DTNA: variants seen among roughly 807,000 people sequenced by gnomAD.
DTNA encodes dystrophin-related protein 3.
In DTNA, 43 loss-of-function variants were observed where a neutral mutation model predicts 100.7. That is an observed-to-expected ratio of 0.43 (90% CI 0.33 to 0.55). The LOEUF is 0.55. Among genes scored for constraint, DTNA ranks in the 20% least tolerant of loss-of-function variants. The pLI is 0.04. For missense variants in DTNA, 798 were observed against 953.9 expected (o/e 0.84, Z 2.15); for synonymous variants, 349 against 347.9 (o/e 1.00, Z -0.04).
At chr18:34,585,386 A>G (rs1240177798) in intron 1 of DTNA, among the ~76,000 whole-genome samples, 5 of 152,242 alleles carry the variant, frequency 3.3e-5, no homozygotes, top group Non-Finnish European at 7.3e-5. Flanking sequence ...TGCAACTAAT[A>G]TCAGGAAAAA....
At chr18:34,697,515 A>G (rs2080743933) in intron 1 of DTNA, among the ~76,000 whole-genome samples, 1 of 152,072 alleles carries the variant, frequency 6.6e-6, no homozygotes, top group Non-Finnish European at 1.5e-5. Context: ...GGTTCTAGGG[A>G]CCTGGACTGG....
chr18:34,605,749 C>T (rs998492099), intron 1 of DTNA, among the ~76,000 whole-genome samples: 7 of 152,032 alleles, frequency 4.6e-5, no homozygotes, highest in African/African-American at 7.2e-5. Context: ...GTAGCAGACA[C>T]AGCTAGGGTT....
intron 17 of DTNA, chr18:34,868,869 C>A: frequency 2.6e-6 from 2 of 769,700 alleles, no homozygotes; most frequent in Non-Finnish European, 3.2e-6. Flanking sequence ...ATTGAAGGAA[C>A]CATAAAAAGA....
chr18:34,827,496 G>C, intron 9 of DTNA, 97 bp from the exon 10 acceptor site: 1 of 1,114,214 alleles, frequency 9.0e-7, no homozygotes, highest in South Asian at 1.2e-5. Flanking sequence ...GTAGAACCCA[G>C]ATCTTCCCAT....
At chr18:34,600,839 C>T (rs1420630333) in intron 1 of DTNA, among the ~76,000 whole-genome samples, 3 of 152,208 alleles carry the variant, frequency 2.0e-5, no homozygotes, top group Non-Finnish European at 4.4e-5. Context: ...AACCAGGTTT[C>T]CTTCTCACTT....
At chr18:34,722,867 T>G (rs1375072806) in intron 1 of DTNA, among the ~76,000 whole-genome samples, 1 of 152,226 alleles carries the variant, frequency 6.6e-6, no homozygotes, top group Non-Finnish European at 1.5e-5. Context: ...TTGTGACTTA[T>G]CTACATTGTG....
chr18:34,836,338 A>T (rs1266786320), intron 11 of DTNA, among the ~76,000 whole-genome samples: 1 of 152,182 alleles, frequency 6.6e-6, no homozygotes, highest in Non-Finnish European at 1.5e-5. Context: ...TTATCCTAAA[A>T]CACAATCTAA....
chr18:34,520,471 G>T (rs1326696315), intron 1 of DTNA, among the ~76,000 whole-genome samples: 2 of 152,196 alleles, frequency 1.3e-5, no homozygotes, highest in Admixed American at 1.3e-4. Context: ...GGCTAAGATG[G>T]TGAAACCCTG....
intron 4 of DTNA, among the ~76,000 whole-genome samples, chr18:34,799,217 T>C (rs1364745462): frequency 6.6e-6 from 1 of 152,174 alleles, no homozygotes; most frequent in East Asian, 1.9e-4. Flanking sequence ...TACAAAATCC[T>C]GGTATTTTCC....
chr18:34,545,093 A>C (rs926550658), intron 1 of DTNA, among the ~76,000 whole-genome samples: 3 of 152,086 alleles, frequency 2.0e-5, no homozygotes, highest in Admixed American at 6.6e-5. Flanking sequence ...GACTGATGTA[A>C]GTCCTTGGCA....
At chr18:34,545,645 A>G (rs1484360388) in intron 1 of DTNA, among the ~76,000 whole-genome samples, 1 of 152,076 alleles carries the variant, frequency 6.6e-6, no homozygotes, top group Non-Finnish European at 1.5e-5. Context: ...GAGTAACAAA[A>G]TGTCAGATAT....
intron 12 of DTNA, among the ~76,000 whole-genome samples, chr18:34,838,514 A>C (rs1203209771): frequency 6.6e-6 from 1 of 152,170 alleles, no homozygotes; most frequent in African/African-American, 2.4e-5. Context: ...GTTTTCTAAA[A>C]CTTTATTTAA....
intron 1 of DTNA, among the ~76,000 whole-genome samples, chr18:34,526,012 C>G (rs1221157772): frequency 6.6e-6 from 1 of 152,124 alleles, no homozygotes; most frequent in Non-Finnish European, 1.5e-5. Flanking sequence ...CATCCCTGAA[C>G]TCACCACTCT....
At chr18:34,561,523 T>C (rs1289517942) in intron 1 of DTNA, among the ~76,000 whole-genome samples, 1 of 152,116 alleles carries the variant, frequency 6.6e-6, no homozygotes. Context: ...TGAAAAAAAG[T>C]AGTGGCTTTC....
At chr18:34,763,830 A>G (rs1413341703) in intron 2 of DTNA, among the ~76,000 whole-genome samples, 1 of 152,222 alleles carries the variant, frequency 6.6e-6, no homozygotes, top group Non-Finnish European at 1.5e-5. Flanking sequence ...ACTGGGTACC[A>G]GACAGATAAA....
At chr18:34,761,435 G>C (rs896587000) in intron 2 of DTNA, among the ~76,000 whole-genome samples, 1 of 152,136 alleles carries the variant, frequency 6.6e-6, no homozygotes, top group Non-Finnish European at 1.5e-5. Context: ...TTGATTTGTT[G>C]GTTGATTGGT....
At chr18:34,733,686 G>A (rs2088860751) in intron 1 of DTNA, among the ~76,000 whole-genome samples, 1 of 152,174 alleles carries the variant, frequency 6.6e-6, no homozygotes, top group Non-Finnish European at 1.5e-5. Context: ...CATTGGTCAA[G>A]GGTATATCTT....
Position 34,626,922 on chromosome 18 carries a change from T to G in DTNA, c.-1-129054T>G, listed in dbSNP as rs1038731849. Reference sequence around the variant, plus strand: ...CTCACTGACCAAAGGTGTGTGCTAATGGCATCAAAGTAATGGAAATCCCCT... The same window carrying G: ...CTCACTGACCAAAGGTGTGTGCTAAGGGCATCAAAGTAATGGAAATCCCCT... On this transcript the variant is annotated intron_variant, in intron 1 of 19. Transcript: ENST00000283365. 7.9e-5 allele frequency among the ~76,000 whole-genome samples: 12 copies of G among 152,316 alleles called. No individual in the cohort carries two copies. In the East Asian group the frequency reaches 2.1e-3, roughly 27 times the overall value.
At chr18:34,645,144 A>G (rs2059693401) in intron 1 of DTNA, among the ~76,000 whole-genome samples, 2 of 152,094 alleles carry the variant, frequency 1.3e-5, no homozygotes, top group African/African-American at 4.8e-5. Flanking sequence ...TTGTCATCTT[A>G]GGAATAAGGA....
Sources: gnomAD v4.1 joint callset for allele counts (sites outside exome capture counted in the v4.1 genomes callset) on GRCh38, gnomAD v4.1.1 for gene constraint, MANE v1.5 for transcripts, NCBI Gene and HGNC (gene_info 2026-07-23, HGNC 2026-07-21) for gene names.